Variants in COL11A1 observed in about 807,000 individuals in gnomAD.
COL11A1 encodes the protein collagen alpha-1(XI) chain.
Under a neutral mutation model 265.2 loss-of-function variants are expected in COL11A1, and 74 were observed. That is an observed-to-expected ratio of 0.28 (90% CI 0.23 to 0.34). The LOEUF is 0.34. COL11A1 is among the 10% of genes least tolerant of loss of function. COL11A1 has a pLI of 1.00. For missense variants in COL11A1, 2,165 were observed against 2,263.6 expected (o/e 0.96, Z 0.88); for synonymous variants, 816 against 727.6 (o/e 1.12, Z -1.96).
intron 4 of COL11A1, among the ~76,000 whole-genome samples, chr1:103,052,376 C>G (rs566209547): frequency 6.6e-6 from 1 of 152,256 alleles, no homozygotes; most frequent in Non-Finnish European, 1.5e-5. Flanking sequence ...TACACACTAA[C>G]CCAGGTCTCC....
intron 1 of COL11A1, among the ~76,000 whole-genome samples, chr1:103,084,882 T>C (rs1672731546): frequency 6.6e-6 from 1 of 152,230 alleles, no homozygotes; most frequent in African/African-American, 2.4e-5. Flanking sequence ...AGTCTATTTC[T>C]GATCACAAAT....
chr1:102,986,934 C>A (rs753393622), intron 30 of COL11A1, among the ~76,000 whole-genome samples: 4 of 151,960 alleles, frequency 2.6e-5, no homozygotes, highest in Admixed American at 2.0e-4. Context: ...GGCCTGAATA[C>A]CAGTATTTTT....
intron 41 of COL11A1, among the ~76,000 whole-genome samples, chr1:102,951,968 T>C (rs1366480392): frequency 2.0e-5 from 3 of 152,120 alleles, no homozygotes; most frequent in Non-Finnish European, 2.9e-5. Context: ...AAAATAATGC[T>C]TATTAAATTT....
chr1:102,986,716 C>A (rs1330990914), intron 30 of COL11A1, among the ~76,000 whole-genome samples: 5 of 151,972 alleles, frequency 3.3e-5, no homozygotes, highest in African/African-American at 2.4e-5. Flanking sequence ...TCATCATAGA[C>A]AAATGTTATT....
chr1:103,026,040 A>C, intron 6 of COL11A1, 176 bp downstream of exon 6: 1 of 1,371,402 alleles, frequency 7.3e-7, no homozygotes, highest in Non-Finnish European at 1.0e-6. Flanking sequence ...GCTAAGCAAA[A>C]GTGAAATGGA....
chr1:102,890,476 C>T lies in COL11A1; in HGVS notation c.4331G>A (p.Gly1444Asp), dbSNP rs1329690523. 1 of 1,609,298 alleles carries T rather than the reference C, an allele frequency of 6.2e-7. No individual in the cohort carries two copies. The highest frequency in any genetic ancestry group is 8.5e-7 in the Non-Finnish European group (1 of 1,177,796). ...CTTTTCACCCTTGGAGCCAGGGTCA[C>T]CTTTGAGACCAGGTAAGCCAGGAGG... is the stretch of plus-strand genomic sequence containing the variant. Reference protein sequence around the residue: ...MGPPGLPGLKGDPGSKGEKGH... With the variant: ...MGPPGLPGLKDDPGSKGEKGH... The change falls in exon 58 of 67, where the codon GGT (glycine) becomes GAT (aspartate). Residue 1444 changes from glycine (G) to aspartate (D), a missense_variant. Coordinates refer to ENST00000370096, the MANE Select transcript of COL11A1 (RefSeq NM_001854.4).
At chr1:103,097,875 A>G (rs1191769338) in intron 1 of COL11A1, among the ~76,000 whole-genome samples, 1 of 152,022 alleles carries the variant, frequency 6.6e-6, no homozygotes, top group African/African-American at 2.4e-5. Flanking sequence ...TTAACATAGA[A>G]GATAGTCATT....
intron 44 of COL11A1, among the ~76,000 whole-genome samples, chr1:102,935,785 G>A (rs769096352): frequency 6.6e-6 from 1 of 152,084 alleles, no homozygotes; most frequent in Non-Finnish European, 1.5e-5. Context: ...GTTCTGTATT[G>A]TAACTACTAC....
chr1:103,031,204 G>T lies in COL11A1; in HGVS notation c.692C>A (p.Ala231Glu). The change falls in exon 5 of 67, where the codon GCA becomes GAA. Residue 231 changes from alanine (A) to glutamate (E), a missense_variant. Coordinates refer to ENST00000370096, the MANE Select transcript of COL11A1 (RefSeq NM_001854.4). ...ATAATGCTCACAGTAGTCATATGCT[G>T]CCTTGGGATCACCTGTGATCAAAAA... ...QQFLITGDPK[A>E]AYDYCEHYSP... The T allele has an allele frequency of 6.2e-7, 1 of 1,609,226 alleles. No homozygotes were observed.
intron 36 of COL11A1, among the ~76,000 whole-genome samples, chr1:102,971,235 A>G (rs1253506876): frequency 6.6e-6 from 1 of 152,216 alleles, no homozygotes; most frequent in East Asian, 1.9e-4. Context: ...ATCACTTTGT[A>G]TAAAGGATGC....
intron 37 of COL11A1, among the ~76,000 whole-genome samples, chr1:102,969,542 AAAAT>A (rs1249136614): frequency 3.3e-5 from 5 of 152,224 alleles, no homozygotes; most frequent in Non-Finnish European, 7.3e-5. Context: ...TGAAAGGGGC[AAAAT>A]AAATAAACTC....
rs913393153 is a variant in COL11A1 at position 102,888,663 on chromosome 1, G to A, written c.4555-33C>T. ...AAAGAAGAGAGAGGACATAAATAAA[G>A]AAGAGGCAATTAAATAGGTTTCAAT... On this transcript the variant is annotated intron_variant, in intron 61 of 66. Transcript: ENST00000370096. The A allele has an allele frequency of 4.3e-6, 7 of 1,613,524 alleles. No homozygotes were observed. The East Asian group carries it at 1.3e-4, about 31-fold the overall frequency.
rs753129716 is a variant in COL11A1, at chr1:102,962,746, C to T, written c.2931G>A (p.Glu977=). 3.7e-6 allele frequency: 6 copies of T among 1,614,002 alleles called. No homozygotes were observed. The African/African-American group carries it at 6.7e-5, about 18-fold the overall frequency. Residue 977 remains glutamate, a synonymous_variant, in exon 39 of 67, where the codon GAG becomes GAA. Coordinates refer to ENST00000370096, the MANE Select transcript of COL11A1 (RefSeq NM_001854.4). ...GVVGPQGPTG[E]TGPIGERGHP... The stretch of plus-strand genomic sequence containing the variant: ...GCCCACGTTCCCCTATTGGACCAGT[C>T]TCACCGGTTGGTCCCTAAATTAGAT...
intron 4 of COL11A1, among the ~76,000 whole-genome samples, chr1:103,042,112 T>G (rs1002126895): frequency 2.0e-5 from 3 of 152,104 alleles, no homozygotes; most frequent in Non-Finnish European, 4.4e-5. Flanking sequence ...TTGAGAATAT[T>G]TGTCTTTGAC....
intron 4 of COL11A1, among the ~76,000 whole-genome samples, chr1:103,050,499 C>T (rs928648577): frequency 2.0e-5 from 3 of 152,106 alleles, no homozygotes; most frequent in East Asian, 1.9e-4. Context: ...GTTATCCATT[C>T]GTCTAATTTT....
At chr1:102,934,956 A>T (rs900892554) in intron 45 of COL11A1, 104 bp downstream of exon 45, 4 of 1,080,650 alleles carry the variant, frequency 3.7e-6, no homozygotes, top group Non-Finnish European at 5.6e-6. Flanking sequence ...AAACATACAA[A>T]CAAAACTTAT....
rs1665300166 is a variant in COL11A1 at position 103,003,282 on chromosome 1, A to G, written c.1945-14T>C. ...ACCTCGTGGGCCCTAGGAGAAAAAGAAAAAGCACGCCTTTATTAAAAAAAA... is the reference window on the plus strand; with the variant it reads ...ACCTCGTGGGCCCTAGGAGAAAAAGGAAAAGCACGCCTTTATTAAAAAAAA... On this transcript the variant is annotated splice_polypyrimidine_tract_variant and intron_variant, in intron 20 of 66. Transcript: ENST00000370096. 2 of 1,611,502 alleles carry G rather than the reference A, an allele frequency of 1.2e-6. No individual in the cohort carries two copies. The highest frequency in any genetic ancestry group is 1.7e-6 in the Non-Finnish European group (2 of 1,178,888).
At chr1:103,032,943 C>T (rs1253851558) in intron 4 of COL11A1, among the ~76,000 whole-genome samples, 3 of 152,032 alleles carry the variant, frequency 2.0e-5, no homozygotes, top group Non-Finnish European at 4.4e-5. Context: ...TTAGTACAGC[C>T]ACAGCCTTGT....
At chr1:103,030,640 T>C (rs1557970986) in intron 5 of COL11A1, among the ~76,000 whole-genome samples, 1 of 150,668 alleles carries the variant, frequency 6.6e-6, no homozygotes, top group Non-Finnish European at 1.5e-5. Context: ...AATTTTCCTA[T>C]GAGAAAATTT....
Sources: allele counts gnomAD v4.1 joint callset (sites outside exome capture counted in the v4.1 genomes callset), GRCh38; gene constraint gnomAD v4.1.1; transcripts MANE v1.5; gene names NCBI Gene and HGNC (gene_info 2026-07-23, HGNC 2026-07-21).